Variants in LHPP observed in about 807,000 individuals in gnomAD.
The protein encoded by LHPP is hLHPP.
Under a neutral mutation model 30.3 loss-of-function variants are expected in LHPP, and 24 were observed. That is an observed-to-expected ratio of 0.79 (90% CI 0.57 to 1.11). The LOEUF (loss-of-function observed/expected upper bound fraction) is 1.11, where lower values mean the gene tolerates loss of function less well. Among genes scored for constraint, LHPP ranks in the 50% most tolerant of loss-of-function variants. The probability of loss-of-function intolerance (pLI) is 0.00; values close to 1 mark genes in which losing one functional copy is unlikely to be tolerated. For missense variants in LHPP, 356 were observed against 367.2 expected (o/e 0.97, Z 0.25); for synonymous variants, 150 against 157.1 (o/e 0.95, Z 0.34).
intron 6 of LHPP, among the ~76,000 whole-genome samples, chr10:124,550,830 C>T (rs1049225009): frequency 3.3e-5 from 5 of 152,206 alleles, no homozygotes; most frequent in South Asian, 2.1e-4. Context: ...CAGCTGAGCC[C>T]TCCTGCCCAC....
intron 6 of LHPP, among the ~76,000 whole-genome samples, chr10:124,524,175 T>C (rs1203344648): frequency 6.6e-6 from 1 of 152,056 alleles, no homozygotes; most frequent in Non-Finnish European, 1.5e-5. Context: ...AAAAGAAGCC[T>C]CAAATCGTTT....
intron 1 of LHPP, among the ~76,000 whole-genome samples, chr10:124,464,102 G>A (rs1952491188): frequency 6.6e-6 from 1 of 152,186 alleles, no homozygotes; most frequent in Non-Finnish European, 1.5e-5. Context: ...AGAGGTGTGA[G>A]CCACTGTGGC....
At chr10:124,497,250 TCCCCA>T in intron 4 of LHPP, among the ~76,000 whole-genome samples, 4 of 23,580 alleles carry the variant, frequency 1.7e-4, no homozygotes, top group South Asian at 5.6e-3. Flanking sequence ...CTTCCCATCC[TCCCCA>T]TCCTCCCCAT....
At chr10:124,566,019 C>T (rs931358598) in intron 6 of LHPP, among the ~76,000 whole-genome samples, 7 of 152,382 alleles carry the variant, frequency 4.6e-5, no homozygotes, top group Admixed American at 2.0e-4. Flanking sequence ...GTCGCCGTAC[C>T]CCTGGGTGGC....
chr10:124,472,621 C>T (rs1338061529), intron 1 of LHPP, among the ~76,000 whole-genome samples: 1 of 150,244 alleles, frequency 6.7e-6, no homozygotes, highest in Non-Finnish European at 1.5e-5. Context: ...TGCAGTGGTG[C>T]GATCTCAGCT....
intron 6 of LHPP, among the ~76,000 whole-genome samples, chr10:124,551,919 A>G (rs1199564716): frequency 6.6e-6 from 1 of 151,828 alleles, no homozygotes; most frequent in Non-Finnish European, 1.5e-5. Flanking sequence ...GTGCTTTTCC[A>G]CCAGGGACCG....
At chr10:124,556,451 A>G (rs565468474) in intron 6 of LHPP, among the ~76,000 whole-genome samples, 2 of 152,224 alleles carry the variant, frequency 1.3e-5, no homozygotes, top group African/African-American at 2.4e-5. Flanking sequence ...TGTGTTTCCA[A>G]TTCTTCATTA....
At chr10:124,606,500 G>C (rs1027969964) in intron 6 of LHPP, among the ~76,000 whole-genome samples, 2 of 150,260 alleles carry the variant, frequency 1.3e-5, no homozygotes, top group Non-Finnish European at 3.0e-5. Flanking sequence ...AGGGGGCAGG[G>C]CCAGCGCCAG....
At chr10:124,605,907 G>C (rs959514684) in intron 6 of LHPP, among the ~76,000 whole-genome samples, 1 of 152,108 alleles carries the variant, frequency 6.6e-6, no homozygotes, top group Non-Finnish European at 1.5e-5. Flanking sequence ...CAAGGGGCCC[G>C]GGTCACCCTG....
intron 6 of LHPP, among the ~76,000 whole-genome samples, chr10:124,528,067 G>C (rs1417512455): frequency 9.9e-6 from 1 of 100,980 alleles, no homozygotes; most frequent in Non-Finnish European, 2.0e-5. Flanking sequence ...TGATCTTTTT[G>C]CCTTGCTTGG....
At chr10:124,522,166 G>T (rs1015610111) in intron 6 of LHPP, among the ~76,000 whole-genome samples, 7 of 152,198 alleles carry the variant, frequency 4.6e-5, no homozygotes, top group African/African-American at 1.4e-4. Flanking sequence ...CTGCCCAAGA[G>T]CCCTGGACAG....
At chr10:124,597,276 C>T (rs1948957080) in intron 6 of LHPP, among the ~76,000 whole-genome samples, 1 of 152,222 alleles carries the variant, frequency 6.6e-6, no homozygotes, top group Non-Finnish European at 1.5e-5. Flanking sequence ...AACTCCCTTT[C>T]ATGTATAGAC....
At position 124,590,990 on chromosome 10, in the gene LHPP, T is replaced by C. The variant is rs1473534757; in HGVS notation, c.717-22274T>C. On this transcript the variant is annotated intron_variant, in intron 6 of 6. Transcript: ENST00000368842. The surrounding 1 kb of genome is among the most constrained non-coding windows in gnomAD (Gnocchi z 4.3). ...CTGGGGCCTGAGAGCATCATTCCTT[T>C]GTGAGACTCAAATGTGAGGAATTCC... 1.3e-5 allele frequency among the ~76,000 whole-genome samples: 2 copies of C among 152,168 alleles called. No individual in the cohort carries two copies. Among genetic ancestry groups the C allele is most frequent in the Non-Finnish European group, 2.9e-5 (2 of 68,032 alleles).
Position 124,522,797 on chromosome 10 carries a change from G to A in LHPP, c.716+5526G>A, listed in dbSNP as rs527700019. ...GCAGCCCTCATCTTCCTTGGAGGAT[G>A]GGGCTGGGCTGGGAGCCTGCGCCCT... On this transcript the variant is annotated intron_variant, in intron 6 of 6. Coordinates refer to ENST00000368842, the MANE Select transcript of LHPP (RefSeq NM_022126.4). Among the ~76,000 whole-genome samples, 404 of 151,966 alleles carry A rather than the reference G, an allele frequency of 2.7e-3. 1 individual carries two copies. The highest frequency in any genetic ancestry group is 9.5e-3 in the African/African-American group (393 of 41,446).
intron 5 of LHPP, among the ~76,000 whole-genome samples, chr10:124,515,232 G>T (rs1479113197): frequency 6.6e-6 from 1 of 152,170 alleles, no homozygotes; most frequent in Non-Finnish European, 1.5e-5. Context: ...AGTTTCTATT[G>T]CCATGTCTCC....
chr10:124,551,647 G>A (rs1399228245), intron 6 of LHPP, among the ~76,000 whole-genome samples: 3 of 152,196 alleles, frequency 2.0e-5, no homozygotes, highest in Non-Finnish European at 2.9e-5. Flanking sequence ...GGGTCCCTGG[G>A]ATGGGGAGAG....
chr10:124,512,371 C>T (rs1442975341), intron 5 of LHPP, among the ~76,000 whole-genome samples: 1 of 152,128 alleles, frequency 6.6e-6, no homozygotes, highest in East Asian at 1.9e-4. Context: ...AATTCCAGCA[C>T]TTTGGGAGGC....
At position 124,613,719 on chromosome 10, in the gene LHPP, TA is replaced by T. The variant is rs1949233388; in HGVS notation, c.*362del. On this transcript the variant is annotated 3_prime_UTR_variant, in exon 7 of 7. Coordinates refer to ENST00000368842, the MANE Select transcript of LHPP (RefSeq NM_022126.4). ...GAACTCACCACTCACCATGGGCCTT[TA>T]AATGCAGTAAACTCCACCTAACCAG... 6.1e-6 allele frequency: 2 copies of T among 326,590 alleles called. No homozygotes were observed. The highest frequency in any genetic ancestry group is 1.2e-5 in the Non-Finnish European group (2 of 172,784). The allele number at this position is 326,590 out of a possible 1,614,324, so 20.2% of individuals were successfully genotyped here.
chr10:124,575,584 T>C (rs1486318066), intron 6 of LHPP, among the ~76,000 whole-genome samples: 1 of 152,096 alleles, frequency 6.6e-6, no homozygotes, highest in Non-Finnish European at 1.5e-5. Context: ...CTACAGGGTT[T>C]CTTGACTCCT....
Sources: allele counts gnomAD v4.1 joint callset (sites outside exome capture counted in the v4.1 genomes callset), GRCh38; gene constraint gnomAD v4.1.1; non-coding constraint Gnocchi (gnomAD v3.1); transcripts MANE v1.5; gene names NCBI Gene and HGNC (gene_info 2026-07-23, HGNC 2026-07-21).